The following GTF2IRD1 variants were observed in gnomAD, a reference collection of about 807,000 sequenced individuals.
The protein encoded by GTF2IRD1 is general transcription factor II-I repeat domain-containing protein 1.
GTF2IRD1 carries 26 observed loss-of-function variants against 113.2 expected under a neutral mutation model. The observed-to-expected ratio is 0.23, with a 90% confidence interval of 0.17 to 0.32. The LOEUF is 0.32. Ranked by LOEUF, GTF2IRD1 falls within the 10% of genes least tolerant of loss-of-function variation. The pLI, the probability that GTF2IRD1 is intolerant of heterozygous loss-of-function variation, is 1.00. For missense variants in GTF2IRD1, 864 were observed against 1,280.8 expected, an observed-to-expected ratio of 0.67 and a Z score of 4.97; for synonymous variants, 484 against 529.1, an observed-to-expected ratio of 0.91 and a Z score of 1.17.
In GTF2IRD1 at chr7:74,557,859, G is replaced by A. The variant is rs188883282; in HGVS notation, c.2107+137G>A. 613 of 610,702 alleles carry A rather than the reference G, an allele frequency of 1.0e-3. 3 individuals are homozygous for A. Among genetic ancestry groups the A allele is most frequent in the Middle Eastern group, 7.8e-3 (20 of 2,552 alleles). 37.8% of individuals were successfully genotyped at this position (610,702 alleles called of 1,614,324 possible). ...CATGTATTTCTTGAGCATATACTAC[G>A]TGCCAGGCACTGTCTCAGGCACTGG... On this transcript the variant is annotated intron_variant, in intron 20 of 26. Coordinates refer to ENST00000424337, the MANE Select transcript of GTF2IRD1 (RefSeq NM_005685.4).
chr7:74,470,141 G>C (rs782589342), intron 1 of GTF2IRD1, among the ~76,000 whole-genome samples: 3 of 152,070 alleles, frequency 2.0e-5, no homozygotes, highest in Non-Finnish European at 2.9e-5. Context: ...GGGACTACAG[G>C]TGTATGCCAC....
Position 74,559,283 on chromosome 7 carries a change from C to T in GTF2IRD1, c.2291+239C>T, listed in dbSNP as rs1479198020. On this transcript the variant is annotated intron_variant, in intron 21 of 26. Transcript: ENST00000424337. ...TGGCAAGGGCAGCCTTTGAGGGCAT[C>T]TTCAACCTGTTCAGCAACACCCGCT... Among the ~76,000 whole-genome samples the T allele has an allele frequency of 2.0e-5, 3 of 152,176 alleles. No individual in the cohort carries two copies. The East Asian group carries it at 5.8e-4, about 29-fold the overall frequency.
At chr7:74,515,889 A>ACCAG (rs1451272554) in intron 4 of GTF2IRD1, among the ~76,000 whole-genome samples, 2 of 152,078 alleles carry the variant, frequency 1.3e-5, no homozygotes, top group Non-Finnish European at 2.9e-5. Context: ...CTGCTTCCAG[A>ACCAG]CCAGCTCTCT....
At chr7:74,588,415 G>T (rs1392290173) in intron 22 of GTF2IRD1, among the ~76,000 whole-genome samples, 5 of 151,972 alleles carry the variant, frequency 3.3e-5, no homozygotes, top group African/African-American at 1.2e-4. Flanking sequence ...GCCAACACAA[G>T]ATCTTTCACG....
At chr7:74,484,289 A>G (rs1307361677) in intron 1 of GTF2IRD1, among the ~76,000 whole-genome samples, 1 of 151,912 alleles carries the variant, frequency 6.6e-6, no homozygotes, top group Admixed American at 6.6e-5. Flanking sequence ...GTCTTTTTTT[A>G]TTTTTAAATT....
chr7:74,499,242 CCCT>C (rs1327860597), intron 1 of GTF2IRD1, among the ~76,000 whole-genome samples: 5 of 152,186 alleles, frequency 3.3e-5, no homozygotes, highest in African/African-American at 1.2e-4. Context: ...GCAGGGTGGC[CCCT>C]CCCCACTTAC....
chr7:74,541,228 C>T (rs1483824602), intron 14 of GTF2IRD1, among the ~76,000 whole-genome samples: 19 of 151,742 alleles, frequency 1.3e-4, no homozygotes, highest in Non-Finnish European at 2.4e-4. Flanking sequence ...AGGTGGCTCA[C>T]GCCTGTAATT....
At chr7:74,522,896 T>G (rs1293059434) in intron 7 of GTF2IRD1, among the ~76,000 whole-genome samples, 1 of 152,206 alleles carries the variant, frequency 6.6e-6, no homozygotes, top group Non-Finnish European at 1.5e-5. Context: ...AGTTGTTACT[T>G]TTACTGATTA....
chr7:74,577,641 G>T (rs1334439505), intron 22 of GTF2IRD1, among the ~76,000 whole-genome samples: 1 of 151,430 alleles, frequency 6.6e-6, no homozygotes, highest in Non-Finnish European at 1.5e-5. Context: ...ATTTTTCACT[G>T]GTTGATTTCT....
chr7:74,572,548 C>T (rs895758120), intron 22 of GTF2IRD1: 28 of 979,272 alleles, frequency 2.9e-5, no homozygotes, highest in African/African-American at 2.8e-4. Flanking sequence ...ATTTCTTTGA[C>T]GTGATACAGA....
intron 9 of GTF2IRD1, among the ~76,000 whole-genome samples, chr7:74,534,284 A>G (rs1798147543): frequency 6.6e-6 from 1 of 152,160 alleles, no homozygotes; most frequent in Non-Finnish European, 1.5e-5. Flanking sequence ...GGGTTGGCCC[A>G]TGCTTTCCCT....
At chr7:74,521,502 C>T (rs1301748251) in intron 7 of GTF2IRD1, among the ~76,000 whole-genome samples, 5 of 152,166 alleles carry the variant, frequency 3.3e-5, no homozygotes, top group Admixed American at 1.3e-4. Flanking sequence ...TGTCTCATGC[C>T]TGTAATCCCA....
chr7:74,547,230 C>A lies in GTF2IRD1; in HGVS notation c.1860C>A (p.Ile620=). 1 of 1,613,338 alleles carries A rather than the reference C, an allele frequency of 6.2e-7. No individual in the cohort carries two copies. The highest frequency in any genetic ancestry group is 8.5e-7 in the Non-Finnish European group (1 of 1,179,834). Residue 620 remains isoleucine (I), a synonymous_variant, in exon 17 of 27, where the codon ATC becomes ATA. Transcript: ENST00000424337. The stretch of plus-strand genomic sequence containing the variant: ...TCCGCAGGCCCAACTGCTTCGGGAT[C>A]GCCAAGCTCCGGAAGATTCTGGAGG... The part of the protein sequence containing the change: ...ISLRRPNCFG[I]AKLRKILEAS...
At chr7:74,578,679 GT>G (rs1554365221) in intron 22 of GTF2IRD1, among the ~76,000 whole-genome samples, 2 of 152,074 alleles carry the variant, frequency 1.3e-5, no homozygotes, top group African/African-American at 4.8e-5. Context: ...TGCTTCCATT[GT>G]TTTGCTGTTA....
chr7:74,538,187 GGGCCC>G lies in GTF2IRD1; in HGVS notation c.1447+16_1447+20del. 3 of 1,612,204 alleles carry G rather than the reference GGGCCC, an allele frequency of 1.9e-6. No homozygotes were observed. Among genetic ancestry groups the G allele is most frequent in the Non-Finnish European group, 2.5e-6 (3 of 1,179,490 alleles). ...ACTGTGGGCCAGGTGAGAAGGAACA[GGGCCC>G]GCTGTGTGTGTGGTGGGCCGGGAGG... On this transcript the variant is annotated intron_variant, in intron 12 of 26. Coordinates refer to ENST00000424337, the MANE Select transcript of GTF2IRD1 (RefSeq NM_005685.4).
intron 1 of GTF2IRD1, among the ~76,000 whole-genome samples, chr7:74,498,595 T>C (rs544928031): frequency 5.3e-5 from 8 of 152,116 alleles, no homozygotes; most frequent in Non-Finnish European, 1.2e-4. Flanking sequence ...AAGCCTTATT[T>C]GTCAGGCCCC....
At chr7:74,529,650 A>G in intron 8 of GTF2IRD1, 84 bp from the exon 9 acceptor site, 1 of 1,098,380 alleles carries the variant, frequency 9.1e-7, no homozygotes, top group Non-Finnish European at 1.3e-6. Flanking sequence ...GGACGGTGGG[A>G]GGTGATGGGG....
chr7:74,581,840 C>G (rs1801438426), intron 22 of GTF2IRD1, among the ~76,000 whole-genome samples: 1 of 152,088 alleles, frequency 6.6e-6, no homozygotes, highest in Non-Finnish European at 1.5e-5. Flanking sequence ...GACCTTGTCT[C>G]TACAAATAAC....
chr7:74,564,467 C>G (rs1309337512), intron 22 of GTF2IRD1, among the ~76,000 whole-genome samples: 1 of 152,174 alleles, frequency 6.6e-6, no homozygotes, highest in Non-Finnish European at 1.5e-5. Flanking sequence ...AGAGATGACT[C>G]AGGCCAGACG....
Sources: allele counts gnomAD v4.1 joint callset (sites outside exome capture counted in the v4.1 genomes callset), GRCh38; gene constraint gnomAD v4.1.1; transcripts MANE v1.5; gene names NCBI Gene and HGNC (gene_info 2026-07-23, HGNC 2026-07-21).